The following PCNX1 variants were observed in gnomAD, a reference collection of about 807,000 sequenced individuals.
The protein encoded by PCNX1 is pecanex 1, also known as pecanex-like protein 1.
Under a neutral mutation model 242.2 loss-of-function variants are expected in PCNX1, and 78 were observed. The observed-to-expected ratio is 0.32, with a 90% confidence interval of 0.27 to 0.39. The LOEUF is 0.39. Ranked by LOEUF, PCNX1 falls within the 10% of genes least tolerant of loss-of-function variation. The probability of loss-of-function intolerance (pLI) is 1.00; values close to 1 mark genes in which losing one functional copy is unlikely to be tolerated. For missense variants in PCNX1, 2,581 were observed against 2,856.5 expected (o/e 0.90, Z 2.20); for synonymous variants, 1,024 against 1,032.9 (o/e 0.99, Z 0.17).
chr14:71,068,048 T>A (rs2141358276), intron 26 of PCNX1, among the ~76,000 whole-genome samples: 1 of 152,084 alleles, frequency 6.6e-6, no homozygotes, highest in East Asian at 1.9e-4. Context: ...CTAAGTGGGT[T>A]GGGCACAGTG....
intron 1 of PCNX1, among the ~76,000 whole-genome samples, chr14:70,924,533 T>C (rs917607609): frequency 5.3e-5 from 8 of 152,192 alleles, no homozygotes; most frequent in African/African-American, 1.7e-4. Context: ...TCCAAAACTT[T>C]TGATTTTAGT....
intron 19 of PCNX1, 60 bp downstream of exon 19, chr14:71,036,217 C>A: frequency 1.8e-6 from 2 of 1,105,042 alleles, no homozygotes; most frequent in South Asian, 1.2e-5. Flanking sequence ...CTCACTCTGT[C>A]ACCCAGGCTG....
At chr14:71,034,914 A>C (rs2060486905) in intron 18 of PCNX1, among the ~76,000 whole-genome samples, 1 of 152,254 alleles carries the variant, frequency 6.6e-6, no homozygotes, top group South Asian at 2.1e-4. Context: ...TGATGACCAA[A>C]GAGATCAAGA....
At chr14:70,987,436 T>A (rs2059032329) in intron 6 of PCNX1, among the ~76,000 whole-genome samples, 1 of 152,238 alleles carries the variant, frequency 6.6e-6, no homozygotes, top group Non-Finnish European at 1.5e-5. Context: ...CAGTTGTAGA[T>A]GACCGGATTT....
At chr14:70,951,571 C>G (rs1411214220) in intron 2 of PCNX1, among the ~76,000 whole-genome samples, 2 of 152,094 alleles carry the variant, frequency 1.3e-5, no homozygotes, top group African/African-American at 4.8e-5. Context: ...GACGGGGTTT[C>G]ATCATGTTGG....
At chr14:71,089,438 A>G in intron 30 of PCNX1, 96 bp downstream of exon 30, 2 of 904,810 alleles carry the variant, frequency 2.2e-6, no homozygotes, top group Non-Finnish European at 1.7e-6. Context: ...GCTGTAAGGA[A>G]TACCCGAGAC....
Position 71,038,622 on chromosome 14 carries a change from T to G in PCNX1, c.3867+2465T>G, listed in dbSNP as rs1182192053. On this transcript the variant is annotated intron_variant, in intron 19 of 35. Coordinates refer to ENST00000304743, the MANE Select transcript of PCNX1 (RefSeq NM_014982.3). Reference sequence around the variant, plus strand: ...AATAGGAACACTTTTACACTGTTGGTGGGACTGTAAACTAGTTCAACCATT... The same window carrying G: ...AATAGGAACACTTTTACACTGTTGGGGGGACTGTAAACTAGTTCAACCATT... Among the ~76,000 whole-genome samples the G allele has an allele frequency of 4.7e-3, 715 of 150,996 alleles. 5 individuals are homozygous for G. The highest frequency in any genetic ancestry group is 6.6e-3 in the Non-Finnish European group (441 of 67,152).
At chr14:70,956,708 G>A (rs1179738023) in intron 2 of PCNX1, among the ~76,000 whole-genome samples, 4 of 152,156 alleles carry the variant, frequency 2.6e-5, no homozygotes, top group African/African-American at 7.2e-5. Flanking sequence ...GAACAGATAT[G>A]ATAACTTATT....
Position 70,948,840 on chromosome 14 carries a change from AATGT to A in PCNX1, c.362+1722_362+1725del, listed in dbSNP as rs551749952. Among the ~76,000 whole-genome samples, 36 of 146,834 alleles carry A rather than the reference AATGT, an allele frequency of 2.5e-4. No individual in the cohort carries two copies. In the South Asian group the frequency reaches 7.0e-3, roughly 29 times the overall value. ...TATTTTTATTTACTCGTATAAATAA[AATGT>A]ATGTGTGTATATATACACATATGTA... On this transcript the variant is annotated intron_variant, in intron 2 of 35. Coordinates refer to ENST00000304743, the MANE Select transcript of PCNX1 (RefSeq NM_014982.3).
In PCNX1 at chr14:71,033,533, A is replaced by C; in HGVS notation, c.3663A>C (p.Val1221=). Residue 1221 remains valine, a synonymous_variant, in exon 17 of 36, where the codon GTA becomes GTC. Transcript: ENST00000304743. ...GCCGACAAAGCAGTGATCCATCTGT[A>C]CTTTTGTAAGTGAACTCAATTGTTA... The part of the protein sequence containing the change: ...HLSRQSSDPS[V]LFSLVQSKIF... 1 of 1,529,678 alleles carries C rather than the reference A, an allele frequency of 6.5e-7. No individual in the cohort carries two copies. Among genetic ancestry groups the C allele is most frequent in the Non-Finnish European group, 9.0e-7 (1 of 1,108,248 alleles). The allele number at this position is 1,529,678 out of a possible 1,614,324, so 94.8% of individuals were successfully genotyped here.
chr14:71,062,739 G>A (rs1277947192), intron 26 of PCNX1, among the ~76,000 whole-genome samples: 1 of 152,154 alleles, frequency 6.6e-6, no homozygotes, highest in Non-Finnish European at 1.5e-5. Context: ...GTAGTGTACA[G>A]TAACACCCTA....
At chr14:70,993,932 C>T (rs1387457912) in intron 7 of PCNX1, among the ~76,000 whole-genome samples, 2 of 152,092 alleles carry the variant, frequency 1.3e-5, no homozygotes, top group Non-Finnish European at 2.9e-5. Context: ...TATATTAGTT[C>T]CCAAGATTTA....
In PCNX1 at chr14:71,109,061, A is replaced by C; in HGVS notation, c.6744+15A>C. 1 of 1,581,984 alleles carries C rather than the reference A, an allele frequency of 6.3e-7. No homozygotes were observed. Among genetic ancestry groups the C allele is most frequent in the Non-Finnish European group, 8.6e-7 (1 of 1,161,924 alleles). On this transcript the variant is annotated intron_variant, in intron 34 of 35. Transcript: ENST00000304743. Reference sequence around the variant, plus strand: ...ACAGAGTCCAAGTAAGTAAGCCCAGAGGTGGTCTTGTGCTGTTTTTGTTAC... The same window carrying C: ...ACAGAGTCCAAGTAAGTAAGCCCAGCGGTGGTCTTGTGCTGTTTTTGTTAC...
intron 3 of PCNX1, among the ~76,000 whole-genome samples, chr14:70,963,026 T>C (rs1330983245): frequency 6.6e-6 from 1 of 152,208 alleles, no homozygotes; most frequent in Non-Finnish European, 1.5e-5. Flanking sequence ...AGTTGCTATG[T>C]CAGTCTTTTC....
In PCNX1 at chr14:70,977,055, G is replaced by A. The variant is rs1391453882; in HGVS notation, c.718G>A (p.Val240Met). 1.2e-6 allele frequency: 2 copies of A among 1,614,126 alleles called. No individual in the cohort carries two copies. The highest frequency in any genetic ancestry group is 1.7e-5 in the Admixed American group (1 of 60,020). The part of the protein sequence containing the change: ...QDLPRDFSDK[V>M]NLPSHNHHHH... ...CTTGCCAAGGGACTTCAGTGACAAAGTGAACCTGCCAAGTCATAACCACCA... is the reference window on the plus strand; with the variant it reads ...CTTGCCAAGGGACTTCAGTGACAAAATGAACCTGCCAAGTCATAACCACCA... Residue 240 changes from valine to methionine, a missense_variant, in exon 6 of 36, where the codon GTG becomes ATG. This residue lies in a region of PCNX1 where 1,204 missense variants were observed against 1,216.7 expected (regional missense o/e 0.99). Transcript: ENST00000304743.
chr14:70,949,245 ACGTG>A (rs2057640712), intron 2 of PCNX1, among the ~76,000 whole-genome samples: 10 of 116,058 alleles, frequency 8.6e-5, no homozygotes, highest in Admixed American at 3.0e-4. Flanking sequence ...GTATATACAC[ACGTG>A]TATACACACA....
rs191306479 is a variant in PCNX1 at position 71,031,501 on chromosome 14, G to C, written c.3559-1928G>C. Reference sequence around the variant, plus strand: ...CCATTCTCCCGTCAGACCAAACAAAGAGGACAGCAGCACCTAGGGCCCCAC... The same window carrying C: ...CCATTCTCCCGTCAGACCAAACAAACAGGACAGCAGCACCTAGGGCCCCAC... On this transcript the variant is annotated intron_variant, in intron 16 of 35. Transcript: ENST00000304743. Among the ~76,000 whole-genome samples, 17 of 152,306 alleles carry C rather than the reference G, an allele frequency of 1.1e-4. No homozygotes were observed. In the East Asian group the frequency reaches 3.1e-3, roughly 28 times the overall value.
At position 70,940,938 on chromosome 14, in the gene PCNX1, C is replaced by T. The variant is rs186928380; in HGVS notation, c.154-5977C>T. Among the ~76,000 whole-genome samples, 1,367 of 152,298 alleles carry T rather than the reference C, an allele frequency of 9.0e-3. 10 individuals are homozygous for T. The highest frequency in any genetic ancestry group is 0.012 in the Non-Finnish European group (842 of 68,030). ...AATCGGCTACTGAAGGTTGTGCATG[C>T]ATCACGTAGTTCTCATGCCATGGTT... On this transcript the variant is annotated intron_variant, in intron 1 of 35. Coordinates refer to ENST00000304743, the MANE Select transcript of PCNX1 (RefSeq NM_014982.3).
At position 71,033,686 on chromosome 14, in the gene PCNX1, G is replaced by A. The variant is rs1357319695; in HGVS notation, c.3668+148G>A. On this transcript the variant is annotated intron_variant, in intron 17 of 35. Coordinates refer to ENST00000304743, the MANE Select transcript of PCNX1 (RefSeq NM_014982.3). ...AAGTTTCAAAATATAATAATTTTGGGTTATTCAAATCAGGTTGGCTGAGAA... is the reference window on the plus strand; with the variant it reads ...AAGTTTCAAAATATAATAATTTTGGATTATTCAAATCAGGTTGGCTGAGAA... 3 of 590,688 alleles carry A rather than the reference G, an allele frequency of 5.1e-6. No individual in the cohort carries two copies. The African/African-American group carries it at 5.7e-5, about 11-fold the overall frequency. The allele number at this position is 590,688 out of a possible 1,614,324, so 36.6% of individuals were successfully genotyped here.
Sources: allele counts gnomAD v4.1 joint callset (sites outside exome capture counted in the v4.1 genomes callset), GRCh38; gene constraint gnomAD v4.1.1; regional missense constraint gnomAD v4.1.1; transcripts MANE v1.5; gene names NCBI Gene and HGNC (gene_info 2026-07-23, HGNC 2026-07-21).